Variants in SLC4A4 observed in about 807,000 individuals in gnomAD.
SLC4A4 encodes solute carrier family 4 member 4.
A neutral mutation model predicts 111.5 loss-of-function variants in SLC4A4; 27 were observed. The observed-to-expected ratio is 0.24, with a 90% CI of 0.18 to 0.33. SLC4A4 has a LOEUF of 0.33. Ranked by LOEUF, SLC4A4 falls within the 10% of genes least tolerant of loss-of-function variation. SLC4A4 has a pLI of 1.00. For missense variants in SLC4A4, 909 were observed against 1,315.5 expected (o/e 0.69, Z 4.78); for synonymous variants, 443 against 463.4 (o/e 0.96, Z 0.57).
chr4:71,202,962 ATCT>A (rs35267312), intron 1 of SLC4A4, among the ~76,000 whole-genome samples: 24,060 of 151,972 alleles, frequency 0.16, 3,074 homozygotes, highest in African/African-American at 0.33. Flanking sequence ...CCTAATGGAA[ATCT>A]TCTCACTTCA....
intron 1 of SLC4A4, among the ~76,000 whole-genome samples, chr4:71,221,483 A>G (rs1035761316): frequency 1.3e-5 from 2 of 152,120 alleles, no homozygotes; most frequent in Non-Finnish European, 2.9e-5. Context: ...GAATCAGAAA[A>G]CTCATAGTTT....
At chr4:71,540,223 G>A (rs1278728832) in intron 18 of SLC4A4, among the ~76,000 whole-genome samples, 9 of 152,066 alleles carry the variant, frequency 5.9e-5, no homozygotes, top group African/African-American at 1.9e-4. Context: ...TAGCATGAAC[G>A]TCTATTCTGT....
intron 6 of SLC4A4, among the ~76,000 whole-genome samples, chr4:71,378,365 A>G (rs971940301): frequency 5.3e-5 from 8 of 152,198 alleles, no homozygotes; most frequent in Admixed American, 4.6e-4. Flanking sequence ...CACTGTGCAG[A>G]AAATCTCCTG....
At chr4:71,094,515 C>A (rs13142661) in intron 2 of SLC4A4, among the ~76,000 whole-genome samples, 13,954 of 152,148 alleles carry the variant, frequency 0.092, 789 homozygotes, top group African/African-American at 0.16. Flanking sequence ...TTTAAGGCTG[C>A]AGTACTTTTA....
At chr4:71,542,697 T>G (rs1735172013) in intron 18 of SLC4A4, among the ~76,000 whole-genome samples, 1 of 152,056 alleles carries the variant, frequency 6.6e-6, no homozygotes, top group African/African-American at 2.4e-5. Flanking sequence ...TTGCGCTAAG[T>G]TGGGTACCCC....
chr4:71,137,251 C>T (rs889893271), intron 2 of SLC4A4, among the ~76,000 whole-genome samples: 7 of 152,170 alleles, frequency 4.6e-5, no homozygotes, highest in African/African-American at 1.7e-4. Flanking sequence ...TCTTTCACCC[C>T]AGTTCTGATA....
At chr4:71,120,082 T>A (rs899495692) in intron 2 of SLC4A4, among the ~76,000 whole-genome samples, 1 of 152,216 alleles carries the variant, frequency 6.6e-6, no homozygotes, top group African/African-American at 2.4e-5. Flanking sequence ...TATTGGAAGG[T>A]TTTGAACTCG....
chr4:71,523,258 A>G (rs1733119396), intron 16 of SLC4A4, among the ~76,000 whole-genome samples: 1 of 152,194 alleles, frequency 6.6e-6, no homozygotes. Context: ...GCTATCACTA[A>G]AGGAGAACCA....
At chr4:71,251,639 C>G (rs1235789852) in intron 2 of SLC4A4, among the ~76,000 whole-genome samples, 1 of 152,200 alleles carries the variant, frequency 6.6e-6, no homozygotes, top group Non-Finnish European at 1.5e-5. Context: ...TGCTCTTTGA[C>G]AGCACACCTA....
At chr4:71,364,066 T>G (rs531475601) in intron 6 of SLC4A4, among the ~76,000 whole-genome samples, 12 of 152,350 alleles carry the variant, frequency 7.9e-5, no homozygotes, top group Admixed American at 1.3e-4. Flanking sequence ...GGTCAATCTC[T>G]CTCAGTATTT....
intron 7 of SLC4A4, among the ~76,000 whole-genome samples, chr4:71,419,141 G>C (rs949094209): frequency 6.6e-6 from 1 of 152,164 alleles, no homozygotes; most frequent in African/African-American, 2.4e-5. Context: ...CAGGGGTCAG[G>C]GGTCAGGGAC....
In SLC4A4 at chr4:71,440,860, A is replaced by G. The variant is rs1724651204; in HGVS notation, c.965+87A>G. On this transcript the variant is annotated intron_variant, in intron 8 of 25. Coordinates refer to ENST00000264485, the MANE Select transcript of SLC4A4 (RefSeq NM_001098484.3). ...GCTGGAGAATCAATAGAATGAGGAA[A>G]TATTTAGTGCAAACACATTGGAGAG... The G allele has an allele frequency of 2.2e-5, 32 of 1,438,038 alleles. No individual in the cohort carries two copies. The South Asian group carries it at 3.6e-4, about 16-fold the overall frequency. 89.1% of individuals were successfully genotyped at this position (1,438,038 alleles called of 1,614,324 possible).
intron 3 of SLC4A4, among the ~76,000 whole-genome samples, chr4:71,298,075 T>C (rs1385578943): frequency 6.6e-6 from 1 of 152,198 alleles, no homozygotes; most frequent in Non-Finnish European, 1.5e-5. Flanking sequence ...TTGAGGCTTG[T>C]GAGCTTCAAA....
rs146008079 is a variant in SLC4A4, at chr4:71,440,750, G to C, written c.942G>C (p.Leu314=). The C allele has an allele frequency of 5.8e-5, 94 of 1,614,080 alleles. No homozygotes were observed. In the African/African-American group the frequency reaches 1.1e-3, roughly 20 times the overall value. Residue 314 remains leucine (L), a synonymous_variant, in exon 8 of 26, where the codon CTG becomes CTC. Coordinates refer to ENST00000264485, the MANE Select transcript of SLC4A4 (RefSeq NM_001098484.3). The stretch of plus-strand genomic sequence containing the variant: ...AGCAGGCTGTCATGCTGGGTGCCCT[G>C]ACTGAAGTTCCTGTGCCCACAAGGT... ...RLQQAVMLGA[L]TEVPVPTRFL... is the part of the protein sequence containing the mutation.
chr4:71,146,209 A>G (rs1280204232), intron 2 of SLC4A4, among the ~76,000 whole-genome samples: 2 of 152,158 alleles, frequency 1.3e-5, no homozygotes, highest in Non-Finnish European at 2.9e-5. Context: ...TTATGTACCC[A>G]GTAGTCATTC....
chr4:71,085,958 G>A (rs993145173), intron 1 of SLC4A4, among the ~76,000 whole-genome samples: 6 of 152,024 alleles, frequency 3.9e-5, no homozygotes, highest in African/African-American at 1.5e-4. Flanking sequence ...TTGGTAGCTT[G>A]ATGGGGATGG....
intron 1 of SLC4A4, among the ~76,000 whole-genome samples, chr4:71,232,996 C>T (rs1719543781): frequency 6.6e-6 from 1 of 152,234 alleles, no homozygotes; most frequent in Admixed American, 6.5e-5. Context: ...CACAGGGCTT[C>T]AGGATTTTGT....
Position 71,472,680 on chromosome 4 carries a change from TTTTC to T in SLC4A4, c.1632-11_1632-8del, listed in dbSNP as rs1727995211. 1 of 1,611,722 alleles carries T rather than the reference TTTTC, an allele frequency of 6.2e-7. No homozygotes were observed. Among genetic ancestry groups the T allele is most frequent in the African/African-American group, 1.3e-5 (1 of 74,840 alleles). ...TTCCAAGGAGGAGGAATCTAAACAT[TTTTC>T]TTTCTTTTTTCCAGGGACAATAATT... On this transcript the variant is annotated splice_polypyrimidine_tract_variant and intron_variant, in intron 13 of 25. Coordinates refer to ENST00000264485, the MANE Select transcript of SLC4A4 (RefSeq NM_001098484.3).
At chr4:71,487,767 T>C (rs1729552080) in intron 15 of SLC4A4, among the ~76,000 whole-genome samples, 1 of 151,620 alleles carries the variant, frequency 6.6e-6, no homozygotes, top group Admixed American at 6.6e-5. Flanking sequence ...TCTACAGATA[T>C]TATGTAGTGA....
Sources: gnomAD v4.1 joint callset for allele counts (sites outside exome capture counted in the v4.1 genomes callset) on GRCh38, gnomAD v4.1.1 for gene constraint, MANE v1.5 for transcripts, NCBI Gene and HGNC (gene_info 2026-07-23, HGNC 2026-07-21) for gene names.